The following DDAH1 variants were observed in gnomAD, a reference collection of about 807,000 sequenced individuals.
DDAH1 encodes the protein N(G),N(G)-dimethylarginine dimethylaminohydrolase 1.
In DDAH1, 19 loss-of-function variants were observed where a neutral mutation model predicts 28.8. That is an observed-to-expected ratio of 0.66 (90% CI 0.46 to 0.97). The LOEUF is 0.97. DDAH1 is among the 50% of genes least tolerant of loss of function. DDAH1 has a pLI of 0.00. For synonymous variants in DDAH1, 153 were observed against 154.4 expected, an observed-to-expected ratio of 0.99 and a Z score of 0.07; for missense variants, 326 against 375.9, an observed-to-expected ratio of 0.87 and a Z score of 1.10.
intron 1 of DDAH1, among the ~76,000 whole-genome samples, chr1:85,460,264 T>A (rs1655068593): frequency 6.6e-6 from 1 of 152,176 alleles, no homozygotes; most frequent in African/African-American, 2.4e-5. Flanking sequence ...AATATATAGG[T>A]CCTACTAAGT....
intron 4 of DDAH1, among the ~76,000 whole-genome samples, chr1:85,349,485 A>G (rs1649068418): frequency 6.6e-6 from 1 of 152,278 alleles, no homozygotes; most frequent in South Asian, 2.1e-4. Context: ...TGGCCCTTTA[A>G]TAAGTCATGC....
chr1:85,379,602 C>G, intron 1 of DDAH1: 27 of 985,394 alleles, frequency 2.7e-5, no homozygotes, highest in Non-Finnish European at 3.3e-5. Flanking sequence ...AAGAGTCAGC[C>G]TGCAGAGCCA....
At chr1:85,386,433 G>A (rs1651265681) in intron 1 of DDAH1, among the ~76,000 whole-genome samples, 1 of 152,258 alleles carries the variant, frequency 6.6e-6, no homozygotes, top group African/African-American at 2.4e-5. Context: ...CAGTAGGGCA[G>A]ACGTTAAACC....
In DDAH1 at chr1:85,464,839, C is replaced by T; in HGVS notation, c.207G>A (p.Glu69=). The change falls in exon 1 of 6, where the codon GAG becomes GAA. Residue 69 remains glutamate (E), a synonymous_variant. Transcript: ENST00000284031. This position sits in a 1 kb window ranked among gnomAD's most constrained non-coding sequence, Gnocchi z 4.4. ...CCACGAAGACGCAGTCCGGAAGGCT[C>T]TCGTCGGCCGGCAGCTCCACCACCT... ...GLQVVELPAD[E]SLPDCVFVED... The T allele has an allele frequency of 6.3e-7, 1 of 1,588,848 alleles. No individual in the cohort carries two copies. Among genetic ancestry groups the T allele is most frequent in the Non-Finnish European group, 8.5e-7 (1 of 1,175,078 alleles).
At chr1:85,350,379 C>T in intron 4 of DDAH1, 36 bp downstream of exon 4, 1 of 1,602,332 alleles carries the variant, frequency 6.2e-7, no homozygotes, top group East Asian at 2.2e-5. Flanking sequence ...GCAGGCACCC[C>T]CACTACATTT....
intron 1 of DDAH1, among the ~76,000 whole-genome samples, chr1:85,510,080 T>C (rs1657170358): frequency 6.6e-6 from 1 of 151,818 alleles, no homozygotes; most frequent in South Asian, 2.1e-4. Flanking sequence ...AAGGAAAAAG[T>C]GTTAAGGGCA....
intron 1 of DDAH1, among the ~76,000 whole-genome samples, chr1:85,423,010 G>A (rs1653217654): frequency 6.6e-6 from 1 of 152,170 alleles, no homozygotes; most frequent in South Asian, 2.1e-4. Context: ...CCAATCTATG[G>A]CATTTTGTTA....
At chr1:85,496,166 C>T in exon 2 of DDAH1, 1 of 910,280 alleles carries the variant, frequency 1.1e-6, no homozygotes, top group Non-Finnish European at 1.3e-6. Flanking sequence ...TTTAACTTAC[C>T]TAATATAAAT....
chr1:85,479,954 C>T (rs1178331932), intron 2 of DDAH1, among the ~76,000 whole-genome samples: 3 of 152,182 alleles, frequency 2.0e-5, no homozygotes, highest in African/African-American at 4.8e-5. Context: ...TTCCTTGTCA[C>T]GTTTTTCTGA....
intron 1 of DDAH1, among the ~76,000 whole-genome samples, chr1:85,531,817 TC>T (rs1658101405): frequency 6.9e-6 from 1 of 144,750 alleles, no homozygotes; most frequent in Non-Finnish European, 1.5e-5. Context: ...CTATTAGTAT[TC>T]CCATTTTCAA....
chr1:85,567,823 T>C (rs1303848032), intron 1 of DDAH1, among the ~76,000 whole-genome samples: 1 of 152,192 alleles, frequency 6.6e-6, no homozygotes, highest in Non-Finnish European at 1.5e-5. Context: ...AAAGAATAGG[T>C]AGACAAAAAA....
rs1180493845 is a variant in DDAH1 at position 85,465,110 on chromosome 1, G to A, written c.-65C>T. On this transcript the variant is annotated 5_prime_UTR_variant, in exon 1 of 6. Coordinates refer to ENST00000284031, the MANE Select transcript of DDAH1 (RefSeq NM_012137.4). ...GGCCGGGTCCTGCCGCGGGCAGCGC[G>A]CGCTGAGCCTGCGAGCGCCCGTCGG... The A allele has an allele frequency of 2.5e-6, 3 of 1,186,392 alleles. No individual in the cohort carries two copies. The highest frequency in any genetic ancestry group is 4.6e-5 in the Admixed American group (1 of 21,940). The allele number at this position is 1,186,392 out of a possible 1,614,324, so 73.5% of individuals were successfully genotyped here. A position where few individuals can be genotyped will look rare whatever the true frequency, so the allele number is the denominator to read the frequency against.
At chr1:85,502,511 A>T (rs1264467919) in intron 1 of DDAH1, among the ~76,000 whole-genome samples, 1 of 151,958 alleles carries the variant, frequency 6.6e-6, no homozygotes, top group Non-Finnish European at 1.5e-5. Context: ...ACTTTTGAGG[A>T]CCTCCTTGCT....
chr1:85,379,632 C>T (rs1314675537), intron 1 of DDAH1: 1 of 985,288 alleles, frequency 1.0e-6, no homozygotes, highest in Non-Finnish European at 1.2e-6. Context: ...CCACTCTTCA[C>T]CATTATACTA....
chr1:85,479,400 C>G lies in DDAH1; in HGVS notation c.-7+16766G>C, dbSNP rs191719644. ...GTGTTAGCCAGGATGGTCTCGATCTCCTGACCTCATGATCCACCCGCCTCG... is the reference window on the plus strand; with the variant it reads ...GTGTTAGCCAGGATGGTCTCGATCTGCTGACCTCATGATCCACCCGCCTCG... On this transcript the variant is annotated intron_variant, in intron 2 of 6. Coordinates refer to the DDAH1 transcript ENST00000426972. Among the ~76,000 whole-genome samples the G allele has an allele frequency of 4.6e-3, 704 of 151,890 alleles. 10 individuals carry two copies. Among genetic ancestry groups the G allele is most frequent in the Admixed American group, 0.042 (646 of 15,234 alleles).
chr1:85,382,802 C>T (rs1306244303), intron 1 of DDAH1, among the ~76,000 whole-genome samples: 1 of 152,134 alleles, frequency 6.6e-6, no homozygotes, highest in Non-Finnish European at 1.5e-5. Flanking sequence ...AAGAATAATG[C>T]TAAATTGACT....
chr1:85,386,519 C>T (rs1221488064), intron 1 of DDAH1, among the ~76,000 whole-genome samples: 1 of 152,238 alleles, frequency 6.6e-6, no homozygotes, highest in Non-Finnish European at 1.5e-5. Flanking sequence ...CTCCTAAGGC[C>T]TTAGGCAGTG....
At chr1:85,403,421 T>C (rs1652250581) in intron 1 of DDAH1, among the ~76,000 whole-genome samples, 1 of 152,108 alleles carries the variant, frequency 6.6e-6, no homozygotes, top group South Asian at 2.1e-4. Flanking sequence ...TCTGTAAGGG[T>C]TGCCTAAACA....
chr1:85,531,857 C>T (rs1364466835), intron 1 of DDAH1, among the ~76,000 whole-genome samples: 1 of 148,210 alleles, frequency 6.7e-6, no homozygotes, highest in East Asian at 2.0e-4. Flanking sequence ...AAGAAGTTAA[C>T]CAATCTGCTT....
Sources: allele counts gnomAD v4.1 joint callset (sites outside exome capture counted in the v4.1 genomes callset), GRCh38; gene constraint gnomAD v4.1.1; non-coding constraint Gnocchi (gnomAD v3.1); transcripts MANE v1.5; gene names NCBI Gene and HGNC (gene_info 2026-07-23, HGNC 2026-07-21).